The following CYTH2 variants were observed in gnomAD, a reference collection of about 807,000 sequenced individuals.
CYTH2 encodes the protein cytohesin 2.
In CYTH2, 24 loss-of-function variants were observed where a neutral mutation model predicts 55.4. That is an observed-to-expected ratio of 0.43 (90% CI 0.31 to 0.61). The LOEUF is 0.61. CYTH2 is among the 20% of genes least tolerant of loss of function. The probability of loss-of-function intolerance (pLI) is 0.08; values close to 1 mark genes in which losing one functional copy is unlikely to be tolerated. For missense variants in CYTH2, 378 were observed against 533.5 expected, an observed-to-expected ratio of 0.71 and a Z score of 2.87; for synonymous variants, 221 against 209.6, an observed-to-expected ratio of 1.05 and a Z score of -0.47.
chr19:48,475,941 G>GC (rs1278740018), intron 8 of CYTH2: 3 of 504,518 alleles, frequency 5.9e-6, no homozygotes, highest in African/African-American at 1.9e-5. Flanking sequence ...GTCCAGCACA[G>GC]CAGTGGAGGC....
Position 48,479,322 on chromosome 19 carries a change from C to A in CYTH2, c.*112C>A. The A allele has an allele frequency of 1.0e-6, 1 of 993,010 alleles. No individual in the cohort carries two copies. The highest frequency in any genetic ancestry group is 1.4e-5 in the South Asian group (1 of 72,072). 61.5% of individuals were successfully genotyped at this position (993,010 alleles called of 1,614,324 possible). On this transcript the variant is annotated 3_prime_UTR_variant, in exon 12 of 12. Transcript: ENST00000452733. ...TCCCTGTTTGGAAAATTCACCACCT[C>A]TAGCTCCTCACTGTTCTTTGTAATT...
At position 48,478,466 on chromosome 19, in the gene CYTH2, A is replaced by G. The variant is rs1042268629; in HGVS notation, c.986A>G (p.Asn329Ser). The change falls in exon 11 of 12, where the codon AAC becomes AGC. Residue 329 changes from asparagine (N) to serine (S), a missense_variant. Transcript: ENST00000452733. ...PNCFELYIPNNKGQLIKACKT... is the reference protein window; with the variant it reads ...PNCFELYIPNSKGQLIKACKT... ...TGCTTTGAACTTTACATCCCCAACA[A>G]CAAGGGGCAGCTCATCAAAGCCTGC... 1.9e-5 allele frequency: 30 copies of G among 1,613,902 alleles called. No homozygotes were observed. The highest frequency in any genetic ancestry group is 2.4e-5 in the Non-Finnish European group (28 of 1,179,990).
At position 48,474,729 on chromosome 19, in the gene CYTH2, C is replaced by A; in HGVS notation, c.697-109C>A. The stretch of plus-strand genomic sequence containing the variant: ...TCCCTCTCCTCCCCACTACCCCTCT[C>A]TCTTCCCCACTATGAGTCATCCCAT... On this transcript the variant is annotated intron_variant, in intron 7 of 11. Coordinates refer to ENST00000452733, the MANE Select transcript of CYTH2 (RefSeq NM_004228.7). The surrounding 1 kb of genome is among the most constrained non-coding windows in gnomAD (Gnocchi z 4.9). 2 of 904,188 alleles carry A rather than the reference C, an allele frequency of 2.2e-6. No homozygotes were observed. Among genetic ancestry groups the A allele is most frequent in the South Asian group, 1.4e-5 (1 of 71,842 alleles). The allele number at this position is 904,188 out of a possible 1,614,324, so 56.0% of individuals were successfully genotyped here.
intron 3 of CYTH2, among the ~76,000 whole-genome samples, chr19:48,472,055 G>GA (rs1971808687): frequency 6.6e-6 from 1 of 152,170 alleles, no homozygotes; most frequent in South Asian, 2.1e-4. Flanking sequence ...CCAGGTCTCA[G>GA]AAAAAAGAGA....
rs537318637 is a variant in CYTH2 at position 48,481,624 on chromosome 19, T to G, written c.*2414T>G. The G allele has an allele frequency of 1.3e-5, 2 of 155,970 alleles. No individual in the cohort carries two copies. Among genetic ancestry groups the G allele is most frequent in the African/African-American group, 4.8e-5 (2 of 41,552 alleles). The allele number at this position is 155,970 out of a possible 1,614,324, so 9.7% of individuals were successfully genotyped here. A position where few individuals can be genotyped will look rare whatever the true frequency, so the allele number is the denominator to read the frequency against. On this transcript the variant is annotated 3_prime_UTR_variant, in exon 12 of 12. Transcript: ENST00000452733. Reference sequence around the variant, plus strand: ...ACCTCCCAGGTGCAAGCGATTCCCCTGCCTCAGCTTCCCGAGTAGCTGGGA... The same window carrying G: ...ACCTCCCAGGTGCAAGCGATTCCCCGGCCTCAGCTTCCCGAGTAGCTGGGA...
chr19:48,474,777 C>A lies in CYTH2; in HGVS notation c.697-61C>A, dbSNP rs189591652. 2.7e-6 allele frequency: 4 copies of A among 1,485,154 alleles called. No individual in the cohort carries two copies. Among genetic ancestry groups the A allele is most frequent in the Non-Finnish European group, 3.8e-6 (4 of 1,064,352 alleles). The allele number at this position is 1,485,154 out of a possible 1,614,324, so 92.0% of individuals were successfully genotyped here. A position where few individuals can be genotyped will look rare whatever the true frequency, so the allele number is the denominator to read the frequency against. On this transcript the variant is annotated intron_variant, in intron 7 of 11. Coordinates refer to ENST00000452733, the MANE Select transcript of CYTH2 (RefSeq NM_004228.7). This position sits in a 1 kb window ranked among gnomAD's most constrained non-coding sequence, Gnocchi z 4.9. ...CATCCCTGGTCTCGCTGCCCCCCAC[C>A]CTGAGTAACCCTGGGGGGCCCCAGG...
intron 8 of CYTH2, chr19:48,477,390 G>A (rs1044327406): frequency 5.2e-5 from 8 of 152,934 alleles, no homozygotes; most frequent in African/African-American, 1.9e-4. Context: ...GCCTAGGACA[G>A]ACCCTAGGGG....
Position 48,474,694 on chromosome 19 carries a change from G to A in CYTH2, c.697-144G>A. On this transcript the variant is annotated intron_variant, in intron 7 of 11. Transcript: ENST00000452733. The surrounding 1 kb of genome is among the most constrained non-coding windows in gnomAD (Gnocchi z 4.9). ...CACCTCAGCCTCCCTCCACTTCTCT[G>A]CCTTTCACTTCCCTCTCCTCCCCAC... The A allele has an allele frequency of 1.4e-6, 1 of 699,468 alleles. No individual in the cohort carries two copies. The highest frequency in any genetic ancestry group is 2.5e-6 in the Non-Finnish European group (1 of 408,162). 43.3% of individuals were successfully genotyped at this position (699,468 alleles called of 1,614,324 possible). A position where few individuals can be genotyped will look rare whatever the true frequency, so the allele number is the denominator to read the frequency against.
chr19:48,470,015 A>T (rs1301062106), intron 1 of CYTH2: 1 of 576,702 alleles, frequency 1.7e-6, no homozygotes, highest in South Asian at 1.5e-5. Context: ...TAATGGAGTC[A>T]GAAAACCAAG....
intron 3 of CYTH2, 89 bp from the exon 4 acceptor site, chr19:48,472,236 G>A (rs376002851): frequency 1.8e-6 from 2 of 1,124,856 alleles, no homozygotes; most frequent in South Asian, 1.3e-5. Flanking sequence ...TGTTGAGGGT[G>A]GGGGTAGGTC....
chr19:48,470,201 GCAGGGAGGAATCCAGGCCCC>G, intron 1 of CYTH2, 132 bp from the exon 2 acceptor site: 1 of 1,200,830 alleles, frequency 8.3e-7, no homozygotes, highest in Non-Finnish European at 1.2e-6. Context: ...TTTCTCCTCT[GCAGGGAGGAATCCAGGCCCC>G]CAGCCCATTC....
chr19:48,472,503 T>G, intron 4 of CYTH2, 60 bp downstream of exon 4: 1 of 1,225,852 alleles, frequency 8.2e-7, no homozygotes, highest in South Asian at 1.3e-5. Flanking sequence ...ACCCAGCTCC[T>G]GCCCTCACAC....
At chr19:48,473,884 C>A in intron 5 of CYTH2, 21 bp from the exon 6 acceptor site, 1 of 1,578,974 alleles carries the variant, frequency 6.3e-7, no homozygotes, top group Non-Finnish European at 8.6e-7. Context: ...GGCATCCATT[C>A]CTGGCCCCTC....
rs961257038 is a variant in CYTH2 at position 48,481,744 on chromosome 19, C to T, written c.*2534C>T. The T allele has an allele frequency of 2.0e-5, 3 of 152,838 alleles. No individual in the cohort carries two copies. The highest frequency in any genetic ancestry group is 7.2e-5 in the African/African-American group (3 of 41,404). 9.5% of individuals were successfully genotyped at this position (152,838 alleles called of 1,614,324 possible). ...GCCAAGCTGGTCTCGAACTCCTGAC[C>T]TCAGGCGATCCATCTGTCTCAGCCT... On this transcript the variant is annotated 3_prime_UTR_variant, in exon 12 of 12. Coordinates refer to ENST00000452733, the MANE Select transcript of CYTH2 (RefSeq NM_004228.7).
At chr19:48,473,141 G>A in intron 4 of CYTH2, 157 bp from the exon 5 acceptor site, 1 of 724,728 alleles carries the variant, frequency 1.4e-6, no homozygotes, top group Non-Finnish European at 2.3e-6. Flanking sequence ...CCCCACCCTG[G>A]GGGCAGGCCT....
At position 48,480,456 on chromosome 19, in the gene CYTH2, CACCTGCCG is replaced by C. The variant is rs1291591286; in HGVS notation, c.*1247_*1254del. On this transcript the variant is annotated 3_prime_UTR_variant, in exon 12 of 12. Coordinates refer to ENST00000452733, the MANE Select transcript of CYTH2 (RefSeq NM_004228.7). ...TCCCTGTCCCGCCCTTGGCCACAGG[CACCTGCCG>C]GCCTGAAGGCCCCCGCGGTGGGGGT... 6.6e-6 allele frequency: 1 copy of C among 152,214 alleles called. No homozygotes were observed. Among genetic ancestry groups the C allele is most frequent in the Non-Finnish European group, 1.5e-5 (1 of 68,050 alleles). The allele number at this position is 152,214 out of a possible 1,614,324, so 9.4% of individuals were successfully genotyped here.
At chr19:48,470,982 A>G (rs75213008) in intron 3 of CYTH2, among the ~76,000 whole-genome samples, 3,215 of 152,244 alleles carry the variant, frequency 0.021, 111 homozygotes, top group African/African-American at 0.073. Context: ...ACATGCACAA[A>G]GGAGAGTTGA....
Position 48,478,557 on chromosome 19 carries a change from G to T in CYTH2, c.1077G>T (p.Thr359=), listed in dbSNP as rs547166508. 27 of 1,613,584 alleles carry T rather than the reference G, an allele frequency of 1.7e-5. No individual in the cohort carries two copies. Among genetic ancestry groups the T allele is most frequent in the Non-Finnish European group, 2.1e-5 (25 of 1,179,820 alleles). The change falls in exon 11 of 12, where the codon ACG becomes ACT. Residue 359 remains threonine, a synonymous_variant. Transcript: ENST00000452733. ...TGGTGTACCGGATCTCGGCCCCCAC[G>T]CAGGAGGAGAAGGACGAGTGGATCA... The part of the protein sequence containing the change: ...NHMVYRISAP[T]QEEKDEWIKS...
Position 48,479,370 on chromosome 19 carries a change from TAATTATTTA to T in CYTH2, c.*162_*170del. ...ATTAACACGCTGTTGGTAATCTTATTAATTATTTAACCACTTGGCCTGCTGACCCCCTCA... is the reference window on the plus strand; with the variant it reads ...ATTAACACGCTGTTGGTAATCTTATTACCACTTGGCCTGCTGACCCCCTCA... On this transcript the variant is annotated 3_prime_UTR_variant, in exon 12 of 12. Coordinates refer to ENST00000452733, the MANE Select transcript of CYTH2 (RefSeq NM_004228.7). The T allele has an allele frequency of 1.5e-6, 1 of 687,494 alleles. No individual in the cohort carries two copies. Among genetic ancestry groups the T allele is most frequent in the South Asian group, 1.9e-5 (1 of 52,006 alleles). The allele number at this position is 687,494 out of a possible 1,614,324, so 42.6% of individuals were successfully genotyped here.
Sources: allele counts gnomAD v4.1 joint callset (sites outside exome capture counted in the v4.1 genomes callset), GRCh38; gene constraint gnomAD v4.1.1; non-coding constraint Gnocchi (gnomAD v3.1); transcripts MANE v1.5; gene names NCBI Gene and HGNC (gene_info 2026-07-23, HGNC 2026-07-21).